ELF2: variants seen among roughly 807,000 people sequenced by gnomAD.
The protein encoded by ELF2 is ETS-related transcription factor Elf-2.
Under a neutral mutation model 54.8 loss-of-function variants are expected in ELF2, and 11 were observed. That is an observed-to-expected ratio of 0.20 (90% CI 0.13 to 0.33). The LOEUF (loss-of-function observed/expected upper bound fraction) is 0.33. Among genes scored for constraint, ELF2 ranks in the 10% least tolerant of loss-of-function variants. The pLI is 1.00. For missense variants in ELF2, 513 were observed against 703.0 expected (o/e 0.73, Z 3.06); for synonymous variants, 203 against 245.1 (o/e 0.83, Z 1.61).
chr4:139,134,573 TTTTATGTTATA>T (rs1737908104), intron 3 of ELF2, among the ~76,000 whole-genome samples: 1 of 148,334 alleles, frequency 6.7e-6, no homozygotes, highest in African/African-American at 2.5e-5. Flanking sequence ...TGTTATTTTA[TTTTATGTTATA>T]TTTATTTTAT....
chr4:139,157,093 A>C (rs1054024111), intron 1 of ELF2, among the ~76,000 whole-genome samples: 3 of 152,216 alleles, frequency 2.0e-5, no homozygotes, highest in Non-Finnish European at 4.4e-5. Flanking sequence ...TTACACAGAC[A>C]TAGATGGTGT....
intron 1 of ELF2, among the ~76,000 whole-genome samples, chr4:139,147,870 T>C (rs1425539073): frequency 3.5e-5 from 5 of 142,984 alleles, no homozygotes; most frequent in African/African-American, 1.3e-4. Context: ...CACCGCAACC[T>C]CCGCCTCCCA....
chr4:139,072,569 C>T lies in ELF2; in HGVS notation c.353-530G>A, dbSNP rs79719070. 3.8e-4 allele frequency among the ~76,000 whole-genome samples: 58 copies of T among 152,164 alleles called. No homozygotes were observed. In the Middle Eastern group the frequency reaches 0.017, roughly 45 times the overall value. ...ATTACAGACAAGAAATATTACCTTTCGGTATTTAAAGTTTTATTTAATGTA... is the reference window on the plus strand; with the variant it reads ...ATTACAGACAAGAAATATTACCTTTTGGTATTTAAAGTTTTATTTAATGTA... On this transcript the variant is annotated intron_variant, in intron 5 of 9. Transcript: ENST00000686138.
In ELF2 at chr4:139,135,235, A is replaced by ATGTG. The variant is rs768773968; in HGVS notation, c.72+2394_72+2395insCACA. ...TTCTATTATACATATACTACTATAT[A>ATGTG]TATGTGTGTGTGTGTGTGTGTGTGT... is the stretch of plus-strand genomic sequence containing the variant. On this transcript the variant is annotated intron_variant, in intron 3 of 9. Coordinates refer to ENST00000686138, the MANE Select transcript of ELF2 (RefSeq NM_001331036.3). Among the ~76,000 whole-genome samples the ATGTG allele has an allele frequency of 5.2e-3, 681 of 131,866 alleles. 9 individuals are homozygous for ATGTG. The highest frequency in any genetic ancestry group is 0.016 in the African/African-American group (496 of 31,788). The allele number at this position is 131,866 out of a possible 152,430, so 86.5% of individuals were successfully genotyped here. A position where few individuals can be genotyped will look rare whatever the true frequency, so the allele number is the denominator to read the frequency against.
At chr4:139,130,347 C>A (rs1167128003) in intron 3 of ELF2, among the ~76,000 whole-genome samples, 4 of 152,166 alleles carry the variant, frequency 2.6e-5, no homozygotes, top group Non-Finnish European at 5.9e-5. Flanking sequence ...TTTGTTACAG[C>A]AACCCCAAGA....
intron 3 of ELF2, among the ~76,000 whole-genome samples, chr4:139,131,017 T>G (rs922454444): frequency 6.6e-6 from 1 of 152,090 alleles, no homozygotes; most frequent in African/African-American, 2.4e-5. Flanking sequence ...AGTCTTTGCT[T>G]AAAAATAAAA....
At chr4:139,102,609 G>A (rs1410549805) in intron 4 of ELF2, among the ~76,000 whole-genome samples, 2 of 151,824 alleles carry the variant, frequency 1.3e-5, no homozygotes, top group Non-Finnish European at 1.5e-5. Flanking sequence ...GGGAGGCTGA[G>A]GCAAGCGGAT....
intron 4 of ELF2, among the ~76,000 whole-genome samples, chr4:139,080,123 C>T (rs962893527): frequency 6.6e-6 from 1 of 152,164 alleles, no homozygotes; most frequent in Non-Finnish European, 1.5e-5. Flanking sequence ...CTGCTGCCTG[C>T]CCTTCTCCAC....
chr4:139,158,870 T>C (rs927591882), intron 1 of ELF2, among the ~76,000 whole-genome samples: 1 of 152,072 alleles, frequency 6.6e-6, no homozygotes, highest in African/African-American at 2.4e-5. Context: ...GAGGCTGAGC[T>C]TGGTGAGGTG....
At chr4:139,094,039 C>T (rs1189877269) in intron 4 of ELF2, among the ~76,000 whole-genome samples, 1 of 151,662 alleles carries the variant, frequency 6.6e-6, no homozygotes, top group Non-Finnish European at 1.5e-5. Context: ...GCTGGGATTA[C>T]GGGCATGTGC....
At chr4:139,099,697 C>A (rs1016785084) in intron 4 of ELF2, among the ~76,000 whole-genome samples, 13 of 152,174 alleles carry the variant, frequency 8.5e-5, no homozygotes, top group Admixed American at 6.5e-5. Flanking sequence ...TTTCATTAAC[C>A]TCACATTAAT....
intron 1 of ELF2, among the ~76,000 whole-genome samples, chr4:139,169,243 A>C (rs1223028714): frequency 6.6e-6 from 1 of 151,896 alleles, no homozygotes; most frequent in East Asian, 1.9e-4. Context: ...AGGTACGTGG[A>C]AAGTTGAGGC....
chr4:139,128,908 T>C (rs574765403), intron 3 of ELF2, among the ~76,000 whole-genome samples: 22 of 152,230 alleles, frequency 1.4e-4, no homozygotes, highest in Non-Finnish European at 2.2e-4. Flanking sequence ...ATTACCCTCA[T>C]TTAAAAAATT....
At chr4:139,128,300 ACT>A (rs1737139962) in intron 3 of ELF2, among the ~76,000 whole-genome samples, 1 of 151,696 alleles carries the variant, frequency 6.6e-6, no homozygotes, top group Non-Finnish European at 1.5e-5. Context: ...AAAATATTAA[ACT>A]CTCATTTCTT....
intron 4 of ELF2, among the ~76,000 whole-genome samples, chr4:139,094,384 A>C (rs560465601): frequency 5.8e-4 from 89 of 152,282 alleles, no homozygotes; most frequent in African/African-American, 1.9e-3. Context: ...GGGAAACAAT[A>C]ACTGGTTCTT....
intron 1 of ELF2, among the ~76,000 whole-genome samples, chr4:139,173,221 T>A (rs1311923966): frequency 6.6e-6 from 1 of 152,292 alleles, no homozygotes; most frequent in African/African-American, 2.4e-5. Context: ...ACGATCTATA[T>A]ATTTACTAAA....
chr4:139,170,669 AAC>A (rs1742204297), intron 1 of ELF2, among the ~76,000 whole-genome samples: 1 of 150,024 alleles, frequency 6.7e-6, no homozygotes, highest in African/African-American at 2.4e-5. Context: ...TAAAAAAAAA[AAC>A]TTCTTATAAC....
At chr4:139,130,031 A>G (rs568702295) in intron 3 of ELF2, among the ~76,000 whole-genome samples, 3 of 152,242 alleles carry the variant, frequency 2.0e-5, no homozygotes, top group South Asian at 2.1e-4. Flanking sequence ...TTAAGACAAG[A>G]TAATTAAGAT....
intron 4 of ELF2, chr4:139,084,420 C>T (rs965860691): frequency 1.2e-5 from 15 of 1,281,372 alleles, no homozygotes; most frequent in South Asian, 2.2e-5. Context: ...ACGGCAGGGG[C>T]AGGGGCGGCA....
Sources: gnomAD v4.1 joint callset for allele counts (sites outside exome capture counted in the v4.1 genomes callset) on GRCh38, gnomAD v4.1.1 for gene constraint, MANE v1.5 for transcripts, NCBI Gene and HGNC (gene_info 2026-07-23, HGNC 2026-07-21) for gene names.